SLC49A3: variants seen among roughly 807,000 people sequenced by gnomAD.
SLC49A3 encodes solute carrier family 49 member 3, also known as solute carrier family 49 member A3.
In SLC49A3, 50 loss-of-function variants were observed where a neutral mutation model predicts 43.8. That is an observed-to-expected ratio of 1.14 (90% CI 0.91 to 1.45). The LOEUF (loss-of-function observed/expected upper bound fraction) is 1.45, where lower values mean the gene tolerates loss of function less well. Ranked by LOEUF, SLC49A3 falls within the 40% of genes most tolerant of loss-of-function variation. The pLI is 0.00. For missense variants in SLC49A3, 906 were observed against 774.1 expected (o/e 1.17, Z -2.02); for synonymous variants, 413 against 352.0 (o/e 1.17, Z -1.94).
chr4:683,438 A>G (rs1740266340), intron 7 of SLC49A3, 71 bp from the exon 8 acceptor site: 1 of 1,550,660 alleles, frequency 6.4e-7, no homozygotes. Flanking sequence ...GCTTCACGGG[A>G]CATGGGACAC....
chr4:680,873 GT>G, downstream of SLC49A3: 2 of 649,540 alleles, frequency 3.1e-6, no homozygotes, highest in Non-Finnish European at 5.3e-6. Flanking sequence ...GCGCTGGCCT[GT>G]AACCTCCTTC....
At chr4:680,424 A>AG, downstream of SLC49A3, 1 of 1,363,980 alleles carries the variant, frequency 7.3e-7, no homozygotes, top group East Asian at 2.3e-5. Context: ...TGCTTGGGGC[A>AG]GGGGTCTCCC....
In SLC49A3 at chr4:682,362, TCAG is replaced by T. The variant is rs776887400; in HGVS notation, c.1273_1275del (p.Leu425del). 7 of 1,338,216 alleles carry T rather than the reference TCAG, an allele frequency of 5.2e-6. No homozygotes were observed. Among genetic ancestry groups the T allele is most frequent in the Non-Finnish European group, 6.8e-6 (7 of 1,034,866 alleles). 82.9% of individuals were successfully genotyped at this position (1,338,216 alleles called of 1,614,324 possible). On this transcript the variant is annotated inframe_deletion, in exon 10 of 10. Coordinates refer to ENST00000322224, the MANE Select transcript of SLC49A3 (RefSeq NM_032219.4). ...CTGAAGAAGGTGCACAGGCCGGCCA[TCAG>T]CAGCAGAGACACTGGGGACACATAG...
At chr4:683,872 G>A in intron 6 of SLC49A3, 111 bp from the exon 7 acceptor site, 1 of 1,336,438 alleles carries the variant, frequency 7.5e-7, no homozygotes, top group Non-Finnish European at 9.9e-7. Flanking sequence ...CAAGGCCCAG[G>A]CATAGCAACA....
downstream of SLC49A3, chr4:681,085 TC>T (rs1739437789): frequency 1.3e-6 from 2 of 1,598,490 alleles, no homozygotes; most frequent in Non-Finnish European, 1.7e-6. Context: ...CCTTTCCTCG[TC>T]CTCAGCATCA....
At chr4:678,598 G>GT, downstream of SLC49A3, 1 of 1,552,020 alleles carries the variant, frequency 6.4e-7, no homozygotes, top group Non-Finnish European at 8.7e-7. Flanking sequence ...AAAACTCTGG[G>GT]TGCCCTGGAG....
chr4:680,609 G>A (rs1739371836), downstream of SLC49A3: 3 of 1,610,022 alleles, frequency 1.9e-6, no homozygotes, highest in Non-Finnish European at 2.5e-6. Context: ...GGCGGCCAGG[G>A]CGGCCCGGCT....
At chr4:687,658 G>A (rs1214997876) in intron 1 of SLC49A3, among the ~76,000 whole-genome samples, 2 of 152,182 alleles carry the variant, frequency 1.3e-5, no homozygotes, top group African/African-American at 4.8e-5. Flanking sequence ...AAGCGTGCGG[G>A]GCAACGTGGG....
At chr4:680,723 C>A, downstream of SLC49A3, 1 of 889,912 alleles carries the variant, frequency 1.1e-6, no homozygotes, top group Non-Finnish European at 1.7e-6. Context: ...CCATGAGGAG[C>A]GAACCCAGGA....
In SLC49A3 at chr4:684,660, C is replaced by T. The variant is rs566755183; in HGVS notation, c.723+59G>A. On this transcript the variant is annotated intron_variant, in intron 5 of 9. Transcript: ENST00000322224. ...GGGCCCTTCCCAAACCCATCGCCTC[C>T]TCAGCCTCTTGCCCCCACCCCCAAA... 7.5e-5 allele frequency: 121 copies of T among 1,608,424 alleles called. No homozygotes were observed. The Middle Eastern group carries it at 1.7e-3, about 22-fold the overall frequency.
At chr4:689,427 C>T (rs772289317), upstream of SLC49A3, 123 of 236,808 alleles carry the variant, frequency 5.2e-4, no homozygotes, top group Non-Finnish European at 8.6e-4. Context: ...CGGTCACAGC[C>T]TGTGTGCTTC....
At chr4:677,983 A>G (rs1027127200), downstream of SLC49A3, 7 of 1,613,058 alleles carry the variant, frequency 4.3e-6, no homozygotes, top group African/African-American at 8.0e-5. Context: ...GATGGGCAAG[A>G]CCTGGGGCCC....
chr4:686,060 G>A (rs1330695665), intron 3 of SLC49A3, 29 bp downstream of exon 3: 1 of 1,612,096 alleles, frequency 6.2e-7, no homozygotes, highest in Non-Finnish European at 8.5e-7. Flanking sequence ...GGTGAGCCCA[G>A]GCAGGCGGCC....
downstream of SLC49A3, chr4:680,132 G>A (rs938559190): frequency 1.9e-6 from 2 of 1,053,214 alleles, no homozygotes; most frequent in African/African-American, 1.6e-5. Flanking sequence ...CCTAGGGCCT[G>A]GCACTCTGGG....
chr4:686,012 A>G (rs1740938512), intron 3 of SLC49A3, 77 bp downstream of exon 3: 1 of 1,606,486 alleles, frequency 6.2e-7, no homozygotes, highest in Non-Finnish European at 8.5e-7. Flanking sequence ...CACCCTGGCC[A>G]GAGAGCCTGG....
chr4:681,268 C>CG (rs1739468028), downstream of SLC49A3: 16 of 1,127,806 alleles, frequency 1.4e-5, no homozygotes, highest in South Asian at 2.8e-5. Context: ...AACAGGCCCC[C>CG]GGGGGGCTCC....
intron 6 of SLC49A3, among the ~76,000 whole-genome samples, chr4:684,008 G>T (rs770967614): frequency 6.6e-6 from 1 of 152,224 alleles, no homozygotes. Context: ...CCACAGGGCC[G>T]TGGTGCCTGT....
chr4:678,089 G>A, downstream of SLC49A3: 2 of 1,600,612 alleles, frequency 1.2e-6, no homozygotes, highest in Non-Finnish European at 1.7e-6. Context: ...TGCTGTGCAT[G>A]TGTACATGCG....
intron 8 of SLC49A3, 137 bp from the exon 9 acceptor site, chr4:683,027 G>T: frequency 1.8e-6 from 2 of 1,091,072 alleles, no homozygotes; most frequent in Non-Finnish European, 2.6e-6. Flanking sequence ...TCGGTCATGG[G>T]CCCTATCAGC....
Sources: allele counts gnomAD v4.1 joint callset (sites outside exome capture counted in the v4.1 genomes callset), GRCh38; gene constraint gnomAD v4.1.1; transcripts MANE v1.5; gene names NCBI Gene and HGNC (gene_info 2026-07-23, HGNC 2026-07-21).